UTP4: variants seen among roughly 807,000 people sequenced by gnomAD.
UTP4 encodes U3 small nucleolar RNA-associated protein 4 homolog.
Under a neutral mutation model 82.4 loss-of-function variants are expected in UTP4, and 45 were observed. The ratio of observed to expected loss-of-function variants is 0.55; its 90% CI spans 0.43 to 0.70. UTP4 has a LOEUF of 0.70. Ranked by LOEUF, UTP4 falls within the 30% of genes least tolerant of loss-of-function variation. The probability of loss-of-function intolerance (pLI) is 0.00; values close to 1 mark genes in which losing one functional copy is unlikely to be tolerated. For synonymous variants in UTP4, 348 were observed against 300.3 expected, an observed-to-expected ratio of 1.16 and a Z score of -1.64; for missense variants, 819 against 858.3, an observed-to-expected ratio of 0.95 and a Z score of 0.57.
At chr16:69,137,995 C>T in intron 4 of UTP4, 110 bp downstream of exon 4, 1 of 763,630 alleles carries the variant, frequency 1.3e-6, no homozygotes, top group Admixed American at 1.9e-5. Flanking sequence ...TTTATCTCTA[C>T]TGGGTACAGG....
chr16:69,140,425 A>G (rs1384955331), intron 5 of UTP4, among the ~76,000 whole-genome samples: 4 of 152,148 alleles, frequency 2.6e-5, no homozygotes, highest in Non-Finnish European at 4.4e-5. Context: ...TGCAGAGATA[A>G]AACAGGTTGG....
intron 10 of UTP4, 28 bp from the exon 11 acceptor site, chr16:69,155,843 C>T (rs757875041): frequency 6.2e-7 from 1 of 1,613,962 alleles, no homozygotes; most frequent in South Asian, 1.1e-5. Context: ...TTTAATTGCA[C>T]ATTCATCTTG....
intron 13 of UTP4, 117 bp from the exon 14 acceptor site, chr16:69,162,966 C>CT (rs1212783608): frequency 5.9e-6 from 5 of 852,986 alleles, no homozygotes; most frequent in Non-Finnish European, 1.0e-5. Context: ...TGGAACTTCC[C>CT]TAGAACCCTT....
In UTP4 at chr16:69,164,614, ATG is replaced by A. The variant is rs1555495217; in HGVS notation, c.1648-725_1648-724del. ...TATATATATATATATATATATATAT[ATG>A]TATATATATATCTGTATATAGATAT... On this transcript the variant is annotated intron_variant, in intron 14 of 16. Transcript: ENST00000314423. Among the ~76,000 whole-genome samples the A allele has an allele frequency of 5.3e-3, 702 of 132,634 alleles. 3 individuals carry two copies. Among genetic ancestry groups the A allele is most frequent in the African/African-American group, 0.02 (687 of 33,634 alleles). The allele number at this position is 132,634 out of a possible 152,430, so 87.0% of individuals were successfully genotyped here.
intron 6 of UTP4, among the ~76,000 whole-genome samples, chr16:69,147,861 G>A (rs765877126): frequency 6.6e-6 from 1 of 152,134 alleles, no homozygotes; most frequent in Non-Finnish European, 1.5e-5. Flanking sequence ...AAAAAGTTTC[G>A]GATTTTGGAT....
intron 1 of UTP4, among the ~76,000 whole-genome samples, chr16:69,133,208 G>C (rs1962692765): frequency 6.6e-6 from 1 of 152,028 alleles, no homozygotes; most frequent in African/African-American, 2.4e-5. Flanking sequence ...CCCGAGATAG[G>C]AACTCTGGAG....
rs74667792 is a variant in UTP4, at chr16:69,150,436, T to C, written c.739-101T>C. On this transcript the variant is annotated intron_variant, in intron 6 of 16. Coordinates refer to ENST00000314423, the MANE Select transcript of UTP4 (RefSeq NM_032830.3). ...GTAACTTTCCTACTGATTCTGGGCA[T>C]AGGTTTACCCCTAAGCTGCTGAGAC... 3,398 of 1,298,748 alleles carry C rather than the reference T, an allele frequency of 2.6e-3. 64 individuals are homozygous for C. The East Asian group carries it at 0.042, about 16-fold the overall frequency. 80.5% of individuals were successfully genotyped at this position (1,298,748 alleles called of 1,614,324 possible).
rs1334400807 is a variant in UTP4, at chr16:69,155,896, G to T, written c.1190G>T (p.Cys397Phe). The stretch of plus-strand genomic sequence containing the variant: ...GGTCCTGAGAACATTATCTGTAGCT[G>T]TATCTCCCCATGTGGAAGTTGGATA... Reference protein sequence around the residue: ...TKGPENIICSCISPCGSWIAY... With the variant: ...TKGPENIICSFISPCGSWIAY... The change falls in exon 11 of 17, where the codon TGT (cysteine) becomes TTT (phenylalanine). Residue 397 changes from cysteine (C) to phenylalanine (F), a missense_variant. By Grantham distance (205) the Cys-to-Phe change is radical. Coordinates refer to ENST00000314423, the MANE Select transcript of UTP4 (RefSeq NM_032830.3). 1 of 1,614,022 alleles carries T rather than the reference G, an allele frequency of 6.2e-7. No individual in the cohort carries two copies.
chr16:69,152,545 C>G (rs564264097), intron 8 of UTP4, among the ~76,000 whole-genome samples: 1 of 148,814 alleles, frequency 6.7e-6, no homozygotes, highest in African/African-American at 2.5e-5. Context: ...TCTCGGCTCA[C>G]TGCAACCTCA....
Position 69,143,273 on chromosome 16 carries a change from A to T in UTP4, c.622A>T (p.Thr208Ser). 1 of 1,614,186 alleles carries T rather than the reference A, an allele frequency of 6.2e-7. No homozygotes were observed. The highest frequency in any genetic ancestry group is 8.5e-7 in the Non-Finnish European group (1 of 1,180,040). The change falls in exon 6 of 17, where the codon ACT (threonine) becomes TCT (serine). Residue 208 changes from threonine to serine, a missense_variant. Physicochemically the swap from Thr to Ser is moderately conservative, Grantham distance 58. Coordinates refer to ENST00000314423, the MANE Select transcript of UTP4 (RefSeq NM_032830.3). The part of the protein sequence containing the change: ...VWGVAFLSDG[T>S]IISVDSAGKV... ...GGGTGTCGCCTTCTTGTCCGATGGC[A>T]CTATCATAAGTGTGGACTCTGCTGG...
intron 10 of UTP4, 84 bp from the exon 11 acceptor site, chr16:69,155,787 G>T (rs1963393608): frequency 2.1e-6 from 3 of 1,422,278 alleles, no homozygotes; most frequent in Admixed American, 1.7e-5. Flanking sequence ...GTCCAGAGTG[G>T]CAAGAGCTTG....
intron 9 of UTP4, 128 bp from the exon 10 acceptor site, chr16:69,154,265 T>G: frequency 2.7e-6 from 2 of 732,632 alleles, no homozygotes; most frequent in Non-Finnish European, 2.4e-6. Context: ...GCTTACTCAG[T>G]GAGCTTGTAT....
chr16:69,136,670 G>A (rs763879267), intron 2 of UTP4, 26 bp from the exon 3 acceptor site: 1 of 1,613,144 alleles, frequency 6.2e-7, no homozygotes. Flanking sequence ...TTGTGGTAAT[G>A]TTGAGAAGTT....
chr16:69,161,900 G>A (rs1004927807), intron 13 of UTP4, among the ~76,000 whole-genome samples: 5 of 151,162 alleles, frequency 3.3e-5, no homozygotes, highest in Admixed American at 6.6e-5. Flanking sequence ...GGACTCAAGC[G>A]TTCCTCCCGC....
intron 8 of UTP4, among the ~76,000 whole-genome samples, chr16:69,152,788 A>G (rs759761869): frequency 6.6e-6 from 1 of 151,088 alleles, no homozygotes; most frequent in Admixed American, 6.6e-5. Flanking sequence ...TAATTTTTTT[A>G]TTTTTTATTT....
At chr16:69,165,558 C>T (rs755182701) in intron 15 of UTP4, 32 bp downstream of exon 15, 3 of 1,576,392 alleles carry the variant, frequency 1.9e-6, no homozygotes, top group African/African-American at 1.3e-5. Context: ...CCCAAATCTT[C>T]TTCTGAATCT....
chr16:69,133,905 A>G (rs1962729977), intron 2 of UTP4, among the ~76,000 whole-genome samples: 2 of 152,228 alleles, frequency 1.3e-5, no homozygotes, highest in Admixed American at 1.3e-4. Context: ...AATTGTTGGT[A>G]TATCAGTCTC....
intron 11 of UTP4, among the ~76,000 whole-genome samples, chr16:69,156,753 G>A (rs1398556260): frequency 2.6e-5 from 4 of 152,116 alleles, no homozygotes; most frequent in Non-Finnish European, 5.9e-5. Flanking sequence ...CACTGCGCCC[G>A]GCCCACACCC....
intron 6 of UTP4, among the ~76,000 whole-genome samples, chr16:69,144,825 G>T (rs978123868): frequency 2.0e-5 from 3 of 152,264 alleles, no homozygotes. Flanking sequence ...TTAATCCACA[G>T]CAGTTGTAAT....
Sources: allele counts gnomAD v4.1 joint callset (sites outside exome capture counted in the v4.1 genomes callset), GRCh38; gene constraint gnomAD v4.1.1; transcripts MANE v1.5; gene names NCBI Gene and HGNC (gene_info 2026-07-23, HGNC 2026-07-21).